Variants in ARHGEF28 observed in about 807,000 individuals in gnomAD.
ARHGEF28 encodes 190 kDa guanine nucleotide exchange factor.
A neutral mutation model predicts 206.6 loss-of-function variants in ARHGEF28; 152 were observed. That is an observed-to-expected ratio of 0.74 (90% CI 0.64 to 0.84). ARHGEF28 has a LOEUF of 0.84. ARHGEF28 is among the 40% of genes least tolerant of loss of function. The probability of loss-of-function intolerance (pLI) is 0.00; values close to 1 mark genes in which losing one functional copy is unlikely to be tolerated. For synonymous variants in ARHGEF28, 763 were observed against 776.4 expected (o/e 0.98, Z 0.29); for missense variants, 2,028 against 2,073.2 (o/e 0.98, Z 0.42).
chr5:73,780,396 C>T (rs1753770125), intron 6 of ARHGEF28: 1 of 397,322 alleles, frequency 2.5e-6, no homozygotes, highest in Non-Finnish European at 4.7e-6. Context: ...CTGGTACATG[C>T]ATGATATTCC....
intron 12 of ARHGEF28, among the ~76,000 whole-genome samples, chr5:73,847,133 GTTA>G (rs1394462927): frequency 3.3e-5 from 5 of 151,868 alleles, no homozygotes; most frequent in African/African-American, 1.2e-4. Context: ...TGTTTGATTT[GTTA>G]TTTTCTACTT....
In ARHGEF28 at chr5:73,852,565, ATATGGTTGAG is replaced by A. The variant is rs1758770828; in HGVS notation, c.1748-80_1748-71del. On this transcript the variant is annotated intron_variant, in intron 13 of 35. Transcript: ENST00000513042. ...AGCTGGTAGTGTGTATAATGATACAATATGGTTGAGTATGCATTTCAGACTAACATATGAC... is the reference window on the plus strand; with the variant it reads ...AGCTGGTAGTGTGTATAATGATACAATATGCATTTCAGACTAACATATGAC... 34 of 1,170,150 alleles carry A rather than the reference ATATGGTTGAG, an allele frequency of 2.9e-5. 1 individual carries two copies. The South Asian group carries it at 4.0e-4, about 14-fold the overall frequency. 72.5% of individuals were successfully genotyped at this position (1,170,150 alleles called of 1,614,324 possible).
At chr5:73,872,529 T>G (rs964571165) in intron 21 of ARHGEF28, among the ~76,000 whole-genome samples, 6 of 152,230 alleles carry the variant, frequency 3.9e-5, no homozygotes, top group African/African-American at 7.2e-5. Flanking sequence ...GATTCTGCCA[T>G]AGAAAGGACC....
At chr5:73,780,848 G>A (rs1240307518) in intron 7 of ARHGEF28, 103 bp downstream of exon 7, 2 of 1,264,886 alleles carry the variant, frequency 1.6e-6, no homozygotes, top group Non-Finnish European at 2.2e-6. Context: ...GGAATCAAGG[G>A]GCTCAGAGGC....
intron 18 of ARHGEF28, 33 bp from the exon 19 acceptor site, chr5:73,867,843 G>A (rs750553307): frequency 6.2e-7 from 1 of 1,613,424 alleles, no homozygotes; most frequent in East Asian, 2.2e-5. Context: ...TACTGACCTG[G>A]AAACCACATG....
chr5:73,683,368 C>G (rs1324903400), intron 1 of ARHGEF28, among the ~76,000 whole-genome samples: 2 of 152,110 alleles, frequency 1.3e-5, no homozygotes, highest in Non-Finnish European at 2.9e-5. Flanking sequence ...TGTCCCACCC[C>G]TGGCAACTAC....
intron 2 of ARHGEF28, among the ~76,000 whole-genome samples, chr5:73,728,881 C>T (rs16898934): frequency 0.25 from 37,398 of 152,074 alleles, 5,074 homozygotes; most frequent in African/African-American, 0.34. Context: ...AGGAAGACTA[C>T]GGTGCTGGCA....
intron 2 of ARHGEF28, among the ~76,000 whole-genome samples, chr5:73,703,664 T>C (rs1039821849): frequency 9.4e-5 from 14 of 149,472 alleles, no homozygotes; most frequent in African/African-American, 3.1e-4. Flanking sequence ...TGTGTGTGTG[T>C]GTGTGTGTGT....
In ARHGEF28 at chr5:73,909,854, G is replaced by T. The variant is rs908783476; in HGVS notation, c.4604G>T (p.Arg1535Leu). 100 of 1,538,534 alleles carry T rather than the reference G, an allele frequency of 6.5e-5. No individual in the cohort carries two copies. The highest frequency in any genetic ancestry group is 8.4e-5 in the Non-Finnish European group (97 of 1,155,304). Residue 1535 changes from arginine (R) to leucine (L), a missense_variant, in exon 34 of 36, where the codon CGG becomes CTG. Coordinates refer to ENST00000513042, the MANE Select transcript of ARHGEF28 (RefSeq NM_001177693.2). ...CTGCTGGGCCACTGGAAGCACGGCC[G>T]GCAGAGGAGCCTGCCCGCGGTGCTC... Reference protein sequence around the residue: ...QSLLGHWKHGRQRSLPAVLLP... With the variant: ...QSLLGHWKHGLQRSLPAVLLP...
intron 9 of ARHGEF28, among the ~76,000 whole-genome samples, chr5:73,823,640 G>A (rs913705933): frequency 6.6e-6 from 1 of 152,182 alleles, no homozygotes; most frequent in South Asian, 2.1e-4. Context: ...GGGTGAATAG[G>A]ACAGGGCCAG....
intron 4 of ARHGEF28, among the ~76,000 whole-genome samples, chr5:73,761,398 T>G (rs761875898): frequency 6.6e-6 from 1 of 152,134 alleles, no homozygotes; most frequent in Non-Finnish European, 1.5e-5. Flanking sequence ...AAACTACCAA[T>G]GTTTGGAGGT....
chr5:73,780,877 T>C, intron 7 of ARHGEF28, 132 bp downstream of exon 7: 2 of 881,944 alleles, frequency 2.3e-6, no homozygotes, highest in South Asian at 3.2e-5. Context: ...GGGTGTGGGA[T>C]ACAGCAAAGC....
At chr5:73,846,227 C>T (rs751477936) in intron 11 of ARHGEF28, 41 bp from the exon 12 acceptor site, 268 of 1,585,320 alleles carry the variant, frequency 1.7e-4, no homozygotes, top group Non-Finnish European at 2.2e-4. Flanking sequence ...GCTCTGTGTC[C>T]TTCCTTGCTT....
intron 29 of ARHGEF28, 105 bp downstream of exon 29, chr5:73,894,680 A>G: frequency 7.6e-7 from 1 of 1,323,910 alleles, no homozygotes; most frequent in Non-Finnish European, 1.0e-6. Context: ...ATACAGCAGA[A>G]CAAGACAAGG....
At chr5:73,730,538 T>G (rs1019312812) in intron 2 of ARHGEF28, among the ~76,000 whole-genome samples, 2,479 of 149,154 alleles carry the variant, frequency 0.017, 49 homozygotes, top group African/African-American at 0.06. Flanking sequence ...AGGAGGATTT[T>G]TTTTTTTTTT....
At chr5:73,714,604 TG>T (rs1418052310) in intron 2 of ARHGEF28, among the ~76,000 whole-genome samples, 2 of 152,206 alleles carry the variant, frequency 1.3e-5, no homozygotes, top group Non-Finnish European at 2.9e-5. Flanking sequence ...ACACAATTTT[TG>T]GGCCATATGT....
chr5:73,675,495 G>A (rs750427513), intron 1 of ARHGEF28, among the ~76,000 whole-genome samples: 8 of 152,048 alleles, frequency 5.3e-5, no homozygotes, highest in Non-Finnish European at 1.2e-4. Flanking sequence ...CACTTTGGGA[G>A]GCCCAGGCAG....
chr5:73,639,469 TA>T (rs1743937288), intron 1 of ARHGEF28, among the ~76,000 whole-genome samples: 1 of 151,916 alleles, frequency 6.6e-6, no homozygotes, highest in Non-Finnish European at 1.5e-5. Context: ...TGTATACATA[TA>T]TATGCACACC....
chr5:73,643,689 C>T (rs1193438266), intron 1 of ARHGEF28, among the ~76,000 whole-genome samples: 1 of 151,886 alleles, frequency 6.6e-6, no homozygotes, highest in Non-Finnish European at 1.5e-5. Flanking sequence ...GTGGTGTGCA[C>T]CTGTAGTCCC....
Sources: gnomAD v4.1 joint callset for allele counts (sites outside exome capture counted in the v4.1 genomes callset) on GRCh38, gnomAD v4.1.1 for gene constraint, MANE v1.5 for transcripts, NCBI Gene and HGNC (gene_info 2026-07-23, HGNC 2026-07-21) for gene names.